The following STK31 variants were observed in gnomAD, a reference collection of about 807,000 sequenced individuals.
STK31 encodes serine/threonine kinase 31.
Under a neutral mutation model 129.7 loss-of-function variants are expected in STK31, and 89 were observed. The ratio of observed to expected loss-of-function variants is 0.69; its 90% CI spans 0.58 to 0.82. The LOEUF is 0.82. STK31 is among the 40% of genes least tolerant of loss of function. The probability of loss-of-function intolerance (pLI) is 0.00; values close to 1 mark genes in which losing one functional copy is unlikely to be tolerated. For missense variants in STK31, 1,187 were observed against 1,176.4 expected (o/e 1.01, Z -0.13); for synonymous variants, 448 against 395.3 (o/e 1.13, Z -1.58).
In STK31 at chr7:23,769,795, C is replaced by A. The variant is rs1584415238; in HGVS notation, c.1713+39C>A. 7.4e-7 allele frequency: 1 copy of A among 1,354,304 alleles called. No individual in the cohort carries two copies. Among genetic ancestry groups the A allele is most frequent in the Non-Finnish European group, 1.0e-6 (1 of 960,800 alleles). 83.9% of individuals were successfully genotyped at this position (1,354,304 alleles called of 1,614,324 possible). On this transcript the variant is annotated intron_variant, in intron 13 of 23. Transcript: ENST00000355870. ...TTCTTTATTATTGCCTCCTTTGAAG[C>A]AGTGTGGTTTCCTTTCATGGTTAGA...
chr7:23,828,377 G>A (rs1037362485), intron 23 of STK31, among the ~76,000 whole-genome samples: 10 of 152,204 alleles, frequency 6.6e-5, no homozygotes, highest in South Asian at 2.1e-4. Context: ...CTCCTTGGGC[G>A]TAGGACCTTC....
chr7:23,767,819 TG>T (rs780667111), intron 11 of STK31, among the ~76,000 whole-genome samples: 4 of 152,200 alleles, frequency 2.6e-5, no homozygotes, highest in Non-Finnish European at 5.9e-5. Flanking sequence ...TTCTTTCACT[TG>T]TAGGGACTTT....
At chr7:23,824,723 T>G (rs553427959) in intron 23 of STK31, among the ~76,000 whole-genome samples, 45 of 152,282 alleles carry the variant, frequency 3.0e-4, no homozygotes, top group African/African-American at 1.0e-3. Flanking sequence ...AGTATGATAT[T>G]GGCTGTGGGT....
intron 5 of STK31, 33 bp downstream of exon 5, chr7:23,727,348 T>G (rs1179442506): frequency 1.9e-6 from 3 of 1,595,722 alleles, no homozygotes; most frequent in Non-Finnish European, 2.6e-6. Context: ...TTTTTTTGCT[T>G]TAAGAAATAT....
intron 6 of STK31, among the ~76,000 whole-genome samples, chr7:23,731,987 T>A (rs913658626): frequency 6.6e-6 from 1 of 152,218 alleles, no homozygotes; most frequent in Non-Finnish European, 1.5e-5. Context: ...AGCCTTATGT[T>A]CTAAACCAGT....
intron 14 of STK31, 109 bp downstream of exon 14, chr7:23,771,233 C>G: frequency 1.1e-6 from 1 of 952,036 alleles, no homozygotes; most frequent in Non-Finnish European, 1.5e-6. Flanking sequence ...ATTGTTATTA[C>G]TAGAATTCAC....
At chr7:23,768,686 G>T (rs1004681961) in intron 11 of STK31, among the ~76,000 whole-genome samples, 2 of 152,038 alleles carry the variant, frequency 1.3e-5, no homozygotes, top group Admixed American at 6.6e-5. Context: ...AATTACTCTT[G>T]TACTTAATAA....
At chr7:23,758,613 A>G (rs942489099) in intron 10 of STK31, among the ~76,000 whole-genome samples, 1 of 152,196 alleles carries the variant, frequency 6.6e-6, no homozygotes, top group Admixed American at 6.5e-5. Flanking sequence ...ATTTAGTGCT[A>G]TAAATTCCTC....
At chr7:23,815,344 A>C (rs1212542748) in intron 23 of STK31, 132 bp downstream of exon 23, 2 of 612,196 alleles carry the variant, frequency 3.3e-6, no homozygotes, top group Admixed American at 7.5e-5. Flanking sequence ...AGTATTGAAA[A>C]AAATTCAGGT....
intron 4 of STK31, 133 bp from the exon 5 acceptor site, chr7:23,727,108 G>A (rs1391887269): frequency 1.4e-6 from 1 of 708,428 alleles, no homozygotes; most frequent in African/African-American, 1.8e-5. Context: ...TGCCTGATAG[G>A]ATTGTGAGAA....
chr7:23,760,979 G>A (rs1789425825), intron 10 of STK31, among the ~76,000 whole-genome samples: 1 of 152,062 alleles, frequency 6.6e-6, no homozygotes, highest in Admixed American at 6.5e-5. Context: ...AGTTCTAAAT[G>A]TTAATATGGA....
At chr7:23,713,869 A>AT (rs949002638) in intron 3 of STK31, among the ~76,000 whole-genome samples, 30 of 147,472 alleles carry the variant, frequency 2.0e-4, no homozygotes, top group African/African-American at 5.3e-4. Flanking sequence ...ATAGTAAAAA[A>AT]AAATATATAT....
intron 22 of STK31, among the ~76,000 whole-genome samples, chr7:23,808,389 A>G (rs1283313116): frequency 1.3e-5 from 2 of 151,960 alleles, no homozygotes; most frequent in Non-Finnish European, 2.9e-5. Flanking sequence ...AGTGTTAGCT[A>G]TAACTGTTTC....
chr7:23,823,461 A>G (rs1793916249), intron 23 of STK31, among the ~76,000 whole-genome samples: 1 of 151,702 alleles, frequency 6.6e-6, no homozygotes, highest in Non-Finnish European at 1.5e-5. Flanking sequence ...TTTTTCTTGT[A>G]AATTTGTTTG....
chr7:23,787,937 A>G (rs543239714), intron 20 of STK31, 43 bp from the exon 21 acceptor site: 1 of 1,467,266 alleles, frequency 6.8e-7, no homozygotes, highest in African/African-American at 1.4e-5. Flanking sequence ...GATTAAAATG[A>G]TTTGCCTACT....
At chr7:23,750,067 T>TCTCCCCCCC (rs1788612132) in intron 8 of STK31, among the ~76,000 whole-genome samples, 4 of 90,556 alleles carry the variant, frequency 4.4e-5, no homozygotes, top group Admixed American at 1.4e-4. Flanking sequence ...ATGGTTTGTT[T>TCTCCCCCCC]CCCCCCCCGC....
chr7:23,760,522 A>G (rs1789398457), intron 10 of STK31, among the ~76,000 whole-genome samples: 1 of 152,234 alleles, frequency 6.6e-6, no homozygotes. Flanking sequence ...TATGAAACAC[A>G]GGCAGTGTGT....
At chr7:23,775,493 C>G (rs1437826709) in intron 15 of STK31, among the ~76,000 whole-genome samples, 2 of 152,098 alleles carry the variant, frequency 1.3e-5, no homozygotes, top group African/African-American at 4.8e-5. Context: ...TTTGTGTCCT[C>G]TCTTATTTCG....
chr7:23,783,118 A>G lies in STK31; in HGVS notation c.2068-465A>G, dbSNP rs77855665. On this transcript the variant is annotated intron_variant, in intron 16 of 23. Coordinates refer to ENST00000355870, the MANE Select transcript of STK31 (RefSeq NM_031414.5). ...TGGTCAGAACAAATTAATAGACGAAAAAAGGAAAGTGGCTTTCAGAAATTG... is the reference window on the plus strand; with the variant it reads ...TGGTCAGAACAAATTAATAGACGAAGAAAGGAAAGTGGCTTTCAGAAATTG... Among the ~76,000 whole-genome samples the G allele has an allele frequency of 1.4e-3, 219 of 152,354 alleles. 1 individual carries two copies. The highest frequency in any genetic ancestry group is 5.1e-3 in the African/African-American group (214 of 41,580).
Sources: allele counts gnomAD v4.1 joint callset (sites outside exome capture counted in the v4.1 genomes callset), GRCh38; gene constraint gnomAD v4.1.1; transcripts MANE v1.5; gene names NCBI Gene and HGNC (gene_info 2026-07-23, HGNC 2026-07-21).